The following ALPK1 variants were observed in gnomAD, a reference collection of about 807,000 sequenced individuals.
The protein encoded by ALPK1 is alpha-protein kinase 1.
A neutral mutation model predicts 120.6 loss-of-function variants in ALPK1; 110 were observed. That is an observed-to-expected ratio of 0.91 (90% CI 0.78 to 1.07). The LOEUF is 1.07. ALPK1 is among the 50% of genes least tolerant of loss of function. The pLI is 0.00. For missense variants in ALPK1, 1,498 were observed against 1,483.9 expected, an observed-to-expected ratio of 1.01 and a Z score of -0.16; for synonymous variants, 582 against 560.3, an observed-to-expected ratio of 1.04 and a Z score of -0.55.
chr4:112,362,470 T>C (rs571431788), intron 2 of ALPK1, among the ~76,000 whole-genome samples: 1 of 152,046 alleles, frequency 6.6e-6, no homozygotes, highest in Admixed American at 6.6e-5. Context: ...AGAATTGAAC[T>C]AGTAGAAGAA....
At chr4:112,375,187 T>C (rs977371293) in intron 2 of ALPK1, among the ~76,000 whole-genome samples, 3 of 150,800 alleles carry the variant, frequency 2.0e-5, no homozygotes, top group Non-Finnish European at 3.0e-5. Context: ...TTTCTTTTTT[T>C]TTTTTTTTTT....
At chr4:112,337,537 A>C (rs573265437) in intron 2 of ALPK1, among the ~76,000 whole-genome samples, 11 of 152,224 alleles carry the variant, frequency 7.2e-5, no homozygotes, top group Admixed American at 4.6e-4. Flanking sequence ...TCTACAAAAA[A>C]AATTTTAAAA....
In ALPK1 at chr4:112,440,960, T is replaced by C. The variant is rs1465603134; in HGVS notation, c.3582T>C (p.Asp1194=). The C allele has an allele frequency of 1.9e-6, 3 of 1,613,836 alleles. No homozygotes were observed. Among genetic ancestry groups the C allele is most frequent in the African/African-American group, 2.7e-5 (2 of 74,982 alleles). The change falls in exon 15 of 16, where the codon GAT becomes GAC. Residue 1194 remains aspartate (D), a synonymous_variant. Coordinates refer to ENST00000650871, the MANE Select transcript of ALPK1 (RefSeq NM_025144.4). The part of the protein sequence containing the change: ...GNGKGLIYLT[D]PQIHSVDQKV... ...GAAAAGGACTCATCTACCTCACAGATCCCCAGATTCACTCCGTTGATCAGA... is the reference window on the plus strand; with the variant it reads ...GAAAAGGACTCATCTACCTCACAGACCCCCAGATTCACTCCGTTGATCAGA...
chr4:112,308,340 T>A (rs1003234210), intron 1 of ALPK1, among the ~76,000 whole-genome samples: 1 of 152,088 alleles, frequency 6.6e-6, no homozygotes, highest in Admixed American at 6.6e-5. Flanking sequence ...TCCTGCAGAG[T>A]GTTTTCCAAC....
At chr4:112,423,890 T>C in intron 5 of ALPK1, 54 bp from the exon 6 acceptor site, 1 of 1,566,088 alleles carries the variant, frequency 6.4e-7, no homozygotes, top group Non-Finnish European at 8.8e-7. Flanking sequence ...CAACTTGTAA[T>C]TGTTAAGTGC....
chr4:112,441,158 CA>C, intron 15 of ALPK1, 44 bp from the exon 16 acceptor site: 2 of 1,613,700 alleles, frequency 1.2e-6, no homozygotes, highest in Non-Finnish European at 1.7e-6. Context: ...GTGATGCTCT[CA>C]AATATCTGGT....
chr4:112,337,473 T>C (rs148780909), intron 2 of ALPK1, among the ~76,000 whole-genome samples: 35 of 152,272 alleles, frequency 2.3e-4, no homozygotes, highest in African/African-American at 8.2e-4. Flanking sequence ...GGCAAGAGAA[T>C]TGCTTGAGGT....
chr4:112,423,658 T>G (rs1734100001), intron 5 of ALPK1: 24 of 533,048 alleles, frequency 4.5e-5, no homozygotes, highest in South Asian at 3.6e-4. Context: ...AAAGTTTGCC[T>G]CTACTCCTCA....
chr4:112,355,877 G>C (rs551297712), intron 2 of ALPK1, among the ~76,000 whole-genome samples: 155 of 152,350 alleles, frequency 1.0e-3, no homozygotes, highest in Middle Eastern at 3.4e-3. Flanking sequence ...CCTGACAAAG[G>C]GGGACCCGGT....
At chr4:112,321,096 A>C (rs9996612) in intron 2 of ALPK1, among the ~76,000 whole-genome samples, 6,247 of 151,518 alleles carry the variant, frequency 0.041, 376 homozygotes, top group African/African-American at 0.13. Flanking sequence ...ATGGGGTTTC[A>C]CCGTGTTAGC....
At chr4:112,390,434 T>C (rs773248066) in intron 4 of ALPK1, among the ~76,000 whole-genome samples, 23 of 152,204 alleles carry the variant, frequency 1.5e-4, no homozygotes, top group Non-Finnish European at 2.5e-4. Context: ...TTTACATTTG[T>C]TTGTGGGGTT....
chr4:112,411,481 T>C (rs963631178), intron 4 of ALPK1, among the ~76,000 whole-genome samples: 1 of 152,190 alleles, frequency 6.6e-6, no homozygotes, highest in Non-Finnish European at 1.5e-5. Context: ...CGCCTCGGCC[T>C]CCCAAAATGC....
In ALPK1 at chr4:112,377,841, T is replaced by C. The variant is rs1731734514; in HGVS notation, c.64T>C (p.Leu22=). Residue 22 remains leucine, a synonymous_variant, in exon 3 of 16, where the codon TTG becomes CTG. Transcript: ENST00000650871. ...QECKQVLDQL[L]LEAPDVSEED... ...GTGCAAGCAAGTGCTGGATCAGCTC[T>C]TGTTGGAAGCGCCAGATGTGTCGGA... 1 of 1,613,424 alleles carries C rather than the reference T, an allele frequency of 6.2e-7. No individual in the cohort carries two copies. The highest frequency in any genetic ancestry group is 1.3e-5 in the African/African-American group (1 of 74,858).
chr4:112,432,018 A>G lies in ALPK1; in HGVS notation c.2471A>G (p.Asn824Ser). 1.2e-6 allele frequency: 2 copies of G among 1,614,020 alleles called. No homozygotes were observed. Among genetic ancestry groups the G allele is most frequent in the South Asian group, 1.1e-5 (1 of 91,070 alleles). Residue 824 changes from asparagine to serine, a missense_variant, in exon 11 of 16, where the codon AAT (asparagine) becomes AGT (serine). Asn to Ser is a conservative substitution (Grantham distance 46). Coordinates refer to ENST00000650871, the MANE Select transcript of ALPK1 (RefSeq NM_025144.4). The part of the protein sequence containing the change: ...SMLPCSSFTP[N>S]WPVQNPDSRK... ...CTGCCATGTAGCTCCTTCACCCCTA[A>G]TTGGCCTGTTCAAAATCCTGACTCC...
chr4:112,320,178 G>C (rs369205687), intron 2 of ALPK1, among the ~76,000 whole-genome samples: 1 of 152,170 alleles, frequency 6.6e-6, no homozygotes, highest in Admixed American at 6.5e-5. Flanking sequence ...TTGACTATAG[G>C]TTTGTCACAA....
intron 2 of ALPK1, 40 bp from the exon 3 acceptor site, chr4:112,377,638 T>C: frequency 1.3e-6 from 1 of 778,334 alleles, no homozygotes; most frequent in Non-Finnish European, 1.9e-6. Context: ...TAATTGATGA[T>C]GCTTCAGTTA....
chr4:112,314,488 C>T (rs547302402), intron 1 of ALPK1, among the ~76,000 whole-genome samples: 34 of 152,104 alleles, frequency 2.2e-4, no homozygotes, highest in African/African-American at 7.5e-4. Context: ...GCTGTATGAC[C>T]ATGGAAGTGA....
rs375074847 is a variant in ALPK1, at chr4:112,399,623, C to T, written c.277-12204C>T. The stretch of plus-strand genomic sequence containing the variant: ...TACTTTAAGTTCTGGGATACATGTA[C>T]AGAACGTGCAGGTTTGTTACATAGG... On this transcript the variant is annotated intron_variant, in intron 4 of 15. Transcript: ENST00000650871. Among the ~76,000 whole-genome samples, 4 of 152,092 alleles carry T rather than the reference C, an allele frequency of 2.6e-5. No individual in the cohort carries two copies. The East Asian group carries it at 7.7e-4, about 29-fold the overall frequency.
chr4:112,433,064 GA>G (rs1433888090), intron 11 of ALPK1, among the ~76,000 whole-genome samples: 1 of 152,202 alleles, frequency 6.6e-6, no homozygotes, highest in African/African-American at 2.4e-5. Flanking sequence ...ATTCTATGGG[GA>G]CATGGTTTGA....
Sources: allele counts gnomAD v4.1 joint callset (sites outside exome capture counted in the v4.1 genomes callset), GRCh38; gene constraint gnomAD v4.1.1; transcripts MANE v1.5; gene names NCBI Gene and HGNC (gene_info 2026-07-23, HGNC 2026-07-21).